The following GAB3 variants were observed in gnomAD, a reference collection of about 807,000 sequenced individuals.
GAB3 encodes the protein GRB2-associated-binding protein 3.
A neutral mutation model predicts 40.4 loss-of-function variants in GAB3; 12 were observed. The observed-to-expected ratio is 0.30, with a 90% CI of 0.19 to 0.48. GAB3 has a LOEUF of 0.48. GAB3 is among the 20% of genes least tolerant of loss of function. The pLI is 0.99. For missense variants in GAB3, 381 were observed against 461.9 expected (o/e 0.82, Z 1.61); for synonymous variants, 154 against 176.7 (o/e 0.87, Z 1.02).
chrX:154,687,358 G>A (rs1437094169), intron 8 of GAB3, among the ~76,000 whole-genome samples: 10 of 110,394 alleles, frequency 9.1e-5, no homozygotes, highest in African/African-American at 2.0e-4. Context: ...TAGGCCAGGC[G>A]TGGTGGCTCA....
intron 1 of GAB3, among the ~76,000 whole-genome samples, chrX:154,734,257 C>T (rs2071334221): frequency 8.9e-6 from 1 of 112,955 alleles, no homozygotes; most frequent in East Asian, 2.8e-4. Flanking sequence ...GACAGAAAAG[C>T]AGCCATTCCC....
At chrX:154,684,717 A>T (rs934802539) in intron 8 of GAB3, among the ~76,000 whole-genome samples, 122 of 111,059 alleles carry the variant, frequency 1.1e-3, no homozygotes, top group African/African-American at 3.8e-3. Context: ...TTATTATAAA[A>T]TTTTTCCAGC....
intron 9 of GAB3, 113 bp from the exon 10 acceptor site, chrX:154,678,407 AACTTTGT>A (rs2070327229): frequency 4.1e-6 from 2 of 488,156 alleles, no homozygotes; most frequent in South Asian, 3.2e-5. Flanking sequence ...TCTGTGTGGA[AACTTTGT>A]ACTTTGTATG....
In GAB3 at chrX:154,700,015, T is replaced by A. The variant is rs371718474; in HGVS notation, c.1114A>T (p.Ser372Cys). 8.3e-7 allele frequency: 1 copy of A among 1,206,474 alleles called. No individual in the cohort carries two copies. Among genetic ancestry groups the A allele is most frequent in the African/African-American group, 1.8e-5 (1 of 56,641 alleles). The stretch of plus-strand genomic sequence containing the variant: ...AATGTTGAACTTACCAAATTCAAAC[T>A]AAGCCGCTTGTCTCGGTGTCTTAAG... ...QSLRHRDKRL[S>C]LNLPCRFSPM... is the part of the protein sequence containing the mutation. The change falls in exon 5 of 10, where the codon AGT becomes TGT. Residue 372 changes from serine to cysteine, a missense_variant. Transcript: ENST00000424127.
intron 8 of GAB3, among the ~76,000 whole-genome samples, chrX:154,688,285 GT>G (rs1423743011): frequency 9.9e-4 from 99 of 100,092 alleles, no homozygotes; most frequent in Admixed American, 2.1e-3. Context: ...TTTTGTTTTT[GT>G]TTTTTTTTTT....
intron 4 of GAB3, among the ~76,000 whole-genome samples, chrX:154,700,454 C>T (rs1367293185): frequency 9.0e-6 from 1 of 110,557 alleles, no homozygotes; most frequent in Non-Finnish European, 1.9e-5. Flanking sequence ...AGGTCTGTGA[C>T]CAGAAAAGCT....
chrX:154,675,422 G>A lies in GAB3; in HGVS notation c.*2756C>T, dbSNP rs782105002. 17 of 111,962 alleles carry A rather than the reference G, an allele frequency of 1.5e-4. No individual in the cohort carries two copies. The highest frequency in any genetic ancestry group is 4.6e-3 in the Middle Eastern group (1 of 218). The allele number at this position is 111,962 out of a possible 1,213,427, so 9.2% of individuals were successfully genotyped here. ...CGGAACTTTTAAAGGTCATGATTCA[G>A]CTGATCCTGTGAAGTGGACTGTACA... On this transcript the variant is annotated 3_prime_UTR_variant, in exon 10 of 10. Transcript: ENST00000424127.
chrX:154,715,904 A>G, intron 2 of GAB3, 122 bp downstream of exon 2: 1 of 656,606 alleles, frequency 1.5e-6, no homozygotes, highest in Non-Finnish European at 2.4e-6. Flanking sequence ...CAGTTCTGAT[A>G]TAAATTAGCC....
chrX:154,723,479 T>C (rs2071167584), intron 1 of GAB3, among the ~76,000 whole-genome samples: 1 of 111,247 alleles, frequency 9.0e-6, no homozygotes, highest in African/African-American at 3.3e-5. Context: ...GGTCAGGAAG[T>C]AAAGAGTACA....
At position 154,713,304 on chromosome X, in the gene GAB3, C is replaced by T. The variant is rs782034752; in HGVS notation, c.499G>A (p.Val167Ile). The change falls in exon 3 of 10, where the codon GTA (valine) becomes ATA (isoleucine). Residue 167 changes from valine to isoleucine, a missense_variant. Val to Ile is a conservative substitution (Grantham distance 29). Around this residue, in one of 2 missense-constraint regions of GAB3, gnomAD observed 364 missense variants for 421.0 expected, o/e 0.86. Transcript: ENST00000424127. The stretch of plus-strand genomic sequence containing the variant: ...TCACTTCTGGTTTCCTCAGTGGCTA[C>T]GGCATTAGTGTTTGGGTCATCTCTT... The part of the protein sequence containing the change: ...LPRDDPNTNA[V>I]ATEETRSESE... 19 of 1,207,861 alleles carry T rather than the reference C, an allele frequency of 1.6e-5. No homozygotes were observed. The South Asian group carries it at 2.3e-4, about 15-fold the overall frequency.
chrX:154,686,654 C>T (rs1001691470), intron 8 of GAB3, among the ~76,000 whole-genome samples: 1 of 107,447 alleles, frequency 9.3e-6, no homozygotes, highest in African/African-American at 3.4e-5. Context: ...TGGTCTTGAA[C>T]TCTTGGGCTC....
intron 8 of GAB3, among the ~76,000 whole-genome samples, chrX:154,681,426 GT>G (rs2070372295): frequency 1.4e-5 from 1 of 70,099 alleles, no homozygotes; most frequent in Non-Finnish European, 3.5e-5. Context: ...GGTTTGTTTT[GT>G]TTTTTGGGTT....
chrX:154,695,454 C>T (rs782540980), intron 8 of GAB3, among the ~76,000 whole-genome samples: 8 of 111,825 alleles, frequency 7.2e-5, no homozygotes, highest in African/African-American at 2.6e-4. Flanking sequence ...GTACCTTTCC[C>T]AATGGGACTC....
chrX:154,705,269 C>T (rs1480383876), intron 4 of GAB3, among the ~76,000 whole-genome samples: 1 of 111,909 alleles, frequency 8.9e-6, no homozygotes, highest in Non-Finnish European at 1.9e-5. Context: ...ATGAAATAAT[C>T]TGTACAACAA....
intron 4 of GAB3, among the ~76,000 whole-genome samples, chrX:154,706,309 G>A (rs1335034817): frequency 4.6e-5 from 5 of 108,849 alleles, no homozygotes; most frequent in African/African-American, 1.7e-4. Context: ...CCAGCTACTC[G>A]GGAGGCTGAG....
intron 8 of GAB3, among the ~76,000 whole-genome samples, chrX:154,682,290 T>C (rs1557246936): frequency 8.9e-6 from 1 of 112,285 alleles, no homozygotes; most frequent in Admixed American, 9.4e-5. Context: ...TTTCGAGTTA[T>C]CATTCATATA....
chrX:154,734,676 C>T (rs1207985450), intron 1 of GAB3, among the ~76,000 whole-genome samples: 1 of 111,825 alleles, frequency 8.9e-6, no homozygotes, highest in African/African-American at 3.3e-5. Context: ...GCAAGGCGCT[C>T]AGGGAGGGAG....
rs781830992 is a variant in GAB3, at chrX:154,683,039, C to T, written c.1531-2791G>A. 1.4e-4 allele frequency among the ~76,000 whole-genome samples: 16 copies of T among 112,257 alleles called. No homozygotes were observed. In the South Asian group the frequency reaches 5.9e-3, roughly 41 times the overall value. ...TTCCTTCTGGCATAGTTCTTATTTCCTCCAATCTGTTTTGATTTCAATCTT... is the reference window on the plus strand; with the variant it reads ...TTCCTTCTGGCATAGTTCTTATTTCTTCCAATCTGTTTTGATTTCAATCTT... On this transcript the variant is annotated intron_variant, in intron 8 of 9. Coordinates refer to ENST00000424127, the MANE Select transcript of GAB3 (RefSeq NM_001081573.3).
intron 6 of GAB3, among the ~76,000 whole-genome samples, chrX:154,698,293 T>A (rs908332621): frequency 6.2e-5 from 7 of 112,074 alleles, no homozygotes; most frequent in African/African-American, 1.9e-4. Flanking sequence ...ATGGTCCAGG[T>A]GGATTTTACA....
Sources: allele counts gnomAD v4.1 joint callset (sites outside exome capture counted in the v4.1 genomes callset), GRCh38; gene constraint gnomAD v4.1.1; regional missense constraint gnomAD v4.1.1; transcripts MANE v1.5; gene names NCBI Gene and HGNC (gene_info 2026-07-23, HGNC 2026-07-21).